The following TXNDC8 variants were observed in gnomAD, a reference collection of about 807,000 sequenced individuals.
TXNDC8 encodes thioredoxin domain-containing protein 8.
In TXNDC8, 15 loss-of-function variants were observed where a neutral mutation model predicts 12.9. The ratio of observed to expected loss-of-function variants is 1.16; its 90% CI spans 0.78 to 1.79. The LOEUF (loss-of-function observed/expected upper bound fraction) is 1.79, where lower values mean the gene tolerates loss of function less well. TXNDC8 is among the 40% of genes most tolerant of loss of function. The probability of loss-of-function intolerance (pLI) is 0.00; values close to 1 mark genes in which losing one functional copy is unlikely to be tolerated. For synonymous variants in TXNDC8, 40 were observed against 35.4 expected, an observed-to-expected ratio of 1.13 and a Z score of -0.46; for missense variants, 128 against 113.2, an observed-to-expected ratio of 1.13 and a Z score of -0.59.
At chr9:110,305,722 TTTC>T (rs2118692461) in intron 3 of TXNDC8, among the ~76,000 whole-genome samples, 1 of 141,678 alleles carries the variant, frequency 7.1e-6, no homozygotes, top group African/African-American at 2.5e-5. Flanking sequence ...TTTTTCTTTC[TTTC>T]TTTCCTGTTT....
At chr9:110,314,241 T>C (rs748728857) in intron 3 of TXNDC8, among the ~76,000 whole-genome samples, 6 of 152,098 alleles carry the variant, frequency 3.9e-5, no homozygotes, top group African/African-American at 9.7e-5. Context: ...CCTGCCTTTC[T>C]TGACTGAACC....
chr9:110,329,205 T>G, intron 2 of TXNDC8, 27 bp downstream of exon 3: 1 of 1,599,564 alleles, frequency 6.3e-7, no homozygotes, highest in Non-Finnish European at 8.6e-7. Context: ...ATTTTGAGTA[T>G]GTGCACAGAA....
At chr9:110,332,909 G>C (rs1488681038) in intron 2 of TXNDC8, among the ~76,000 whole-genome samples, 1 of 152,188 alleles carries the variant, frequency 6.6e-6, no homozygotes, top group Non-Finnish European at 1.5e-5. Context: ...CATGCAAGGC[G>C]TATTATTCGC....
At chr9:110,332,765 A>T (rs902596839) in intron 2 of TXNDC8, among the ~76,000 whole-genome samples, 1 of 152,252 alleles carries the variant, frequency 6.6e-6, no homozygotes, top group Non-Finnish European at 1.5e-5. Context: ...AAAATATTGT[A>T]TAGATATTAA....
At chr9:110,337,235 A>C (rs1839790499) in intron 1 of TXNDC8, among the ~76,000 whole-genome samples, 1 of 152,132 alleles carries the variant, frequency 6.6e-6, no homozygotes, top group Non-Finnish European at 1.5e-5. Flanking sequence ...TGCCCACACC[A>C]CCTCTTAAAC....
intron 3 of TXNDC8, among the ~76,000 whole-genome samples, chr9:110,318,997 A>G (rs1328663950): frequency 6.6e-6 from 1 of 152,170 alleles, no homozygotes; most frequent in African/African-American, 2.4e-5. Context: ...ATCTTTAGCA[A>G]AGGTGCTGAA....
At position 110,334,225 on chromosome 9, in the gene TXNDC8, A is replaced by C. The variant is rs1839658265; in HGVS notation, c.120T>G (p.Pro40=). The change falls in exon 2 of 5, where the codon CCT becomes CCG. Residue 40 remains proline, a synonymous_variant. Coordinates refer to ENST00000423740, the MANE Select transcript of TXNDC8 (RefSeq NM_001286946.2). ...TACTGGTTGTACTCACATGGAAAAC[A>C]GGAAACATCCTTTTGCAGGGACCAC... The C allele has an allele frequency of 6.2e-7, 1 of 1,611,260 alleles. No individual in the cohort carries two copies. The highest frequency in any genetic ancestry group is 1.3e-5 in the African/African-American group (1 of 74,898).
intron 4 of TXNDC8, among the ~76,000 whole-genome samples, chr9:110,304,031 G>A (rs1203230898): frequency 1.3e-5 from 2 of 152,114 alleles, no homozygotes; most frequent in African/African-American, 4.8e-5. Flanking sequence ...AGAAGCACAT[G>A]TTCCTTTCAA....
In TXNDC8 at chr9:110,322,657, G is replaced by A. The variant is rs529471936; in HGVS notation, c.195+3518C>T. The A allele has an allele frequency of 2.9e-5, 29 of 985,428 alleles. No homozygotes were observed. In the South Asian group the frequency reaches 1.2e-3, roughly 40 times the overall value. The allele number at this position is 985,428 out of a possible 1,614,324, so 61.0% of individuals were successfully genotyped here. ...TAAAATGGAGTAAAAACTGTTGAGT[G>A]GCAGCAGCTACCAAACAATATCAGC... On this transcript the variant is annotated intron_variant, in intron 3 of 4. Coordinates refer to ENST00000423740, the MANE Select transcript of TXNDC8 (RefSeq NM_001286946.2).
intron 3 of TXNDC8, among the ~76,000 whole-genome samples, chr9:110,305,264 A>G (rs1838391884): frequency 6.6e-6 from 1 of 151,952 alleles, no homozygotes; most frequent in African/African-American, 2.4e-5. Flanking sequence ...TGTGTCTGGC[A>G]TCTTCCACTC....
intron 3 of TXNDC8, chr9:110,323,878 C>A: frequency 6.4e-7 from 1 of 1,550,534 alleles, no homozygotes; most frequent in Non-Finnish European, 8.7e-7. Flanking sequence ...GGTTATTTAC[C>A]TAGCTGCTTA....
chr9:110,330,901 TG>T (rs1839519194), intron 2 of TXNDC8, among the ~76,000 whole-genome samples: 1 of 152,190 alleles, frequency 6.6e-6, no homozygotes, highest in Non-Finnish European at 1.5e-5. Context: ...TATGATTCAC[TG>T]TTTTTTTTTT....
downstream of TXNDC8, among the ~76,000 whole-genome samples, chr9:110,301,746 A>C (rs1838274511): frequency 6.6e-6 from 1 of 152,204 alleles, no homozygotes; most frequent in African/African-American, 2.4e-5. Flanking sequence ...GAGGACAGGA[A>C]TACTTGGAAA....
chr9:110,316,054 C>T (rs1475508385), intron 3 of TXNDC8, among the ~76,000 whole-genome samples: 1 of 151,218 alleles, frequency 6.6e-6, no homozygotes, highest in Non-Finnish European at 1.5e-5. Flanking sequence ...TGTGCCACCA[C>T]ACTCGGCTAA....
chr9:110,332,635 A>G (rs1839588368), intron 2 of TXNDC8, among the ~76,000 whole-genome samples: 1 of 152,228 alleles, frequency 6.6e-6, no homozygotes, highest in South Asian at 2.1e-4. Context: ...GTAAAGTTTT[A>G]TACAATAAGG....
Position 110,337,284 on chromosome 9 carries a change from C to T in TXNDC8, c.24+489G>A, listed in dbSNP as rs983529514. Among the ~76,000 whole-genome samples, 13 of 152,292 alleles carry T rather than the reference C, an allele frequency of 8.5e-5. 1 individual carries two copies. Among genetic ancestry groups the T allele is most frequent in the South Asian group, 6.2e-4 (3 of 4,826 alleles). ...ACCTCTCTTTTAGAGGCAATTTTCTCCTTTATAAATCAAGAATTATCTCTG... is the reference window on the plus strand; with the variant it reads ...ACCTCTCTTTTAGAGGCAATTTTCTTCTTTATAAATCAAGAATTATCTCTG... On this transcript the variant is annotated intron_variant, in intron 1 of 4. Transcript: ENST00000423740.
chr9:110,331,636 T>TG (rs1384988004), intron 2 of TXNDC8, among the ~76,000 whole-genome samples: 1 of 152,078 alleles, frequency 6.6e-6, no homozygotes, highest in Non-Finnish European at 1.5e-5. Flanking sequence ...GAAGACATTT[T>TG]TTTCCCCAGA....
chr9:110,323,317 C>A, intron 3 of TXNDC8: 1 of 985,186 alleles, frequency 1.0e-6, no homozygotes, highest in Non-Finnish European at 1.2e-6. Flanking sequence ...AGGAGACAAG[C>A]CAGAGGAGAG....
chr9:110,305,657 T>TTTCTTTCTCTTTTC (rs1838428807), intron 3 of TXNDC8, among the ~76,000 whole-genome samples: 7 of 96,730 alleles, frequency 7.2e-5, no homozygotes, highest in Admixed American at 5.2e-4. Context: ...TATTTTCTTC[T>TTTCTTTCTCTTTTC]TTCTTTCTTT....
Sources: gnomAD v4.1 joint callset for allele counts (sites outside exome capture counted in the v4.1 genomes callset) on GRCh38, gnomAD v4.1.1 for gene constraint, MANE v1.5 for transcripts, NCBI Gene and HGNC (gene_info 2026-07-23, HGNC 2026-07-21) for gene names.